Variants in MALT1 observed in about 807,000 individuals in gnomAD.
MALT1 encodes mucosa-associated lymphoid tissue lymphoma translocation protein 1.
A neutral mutation model predicts 85.5 loss-of-function variants in MALT1; 36 were observed. That is an observed-to-expected ratio of 0.42 (90% CI 0.32 to 0.56). MALT1 has a LOEUF of 0.56. Among genes scored for constraint, MALT1 ranks in the 20% least tolerant of loss-of-function variants. The pLI is 0.10. For synonymous variants in MALT1, 359 were observed against 361.3 expected, an observed-to-expected ratio of 0.99 and a Z score of 0.07; for missense variants, 716 against 981.6, an observed-to-expected ratio of 0.73 and a Z score of 3.62.
At chr18:58,691,340 C>G (rs1396303920) in intron 2 of MALT1, 2 of 856,942 alleles carry the variant, frequency 2.3e-6, no homozygotes, top group Non-Finnish European at 3.6e-6. Context: ...CCAAGATGAT[C>G]CTGTTTGCTT....
chr18:58,728,292 T>C (rs969279175), intron 10 of MALT1, among the ~76,000 whole-genome samples: 1 of 152,124 alleles, frequency 6.6e-6, no homozygotes, highest in Non-Finnish European at 1.5e-5. Context: ...GTACTAGAGA[T>C]GGAATTTAAA....
At chr18:58,718,678 G>C (rs1433444000) in intron 9 of MALT1, among the ~76,000 whole-genome samples, 1 of 152,168 alleles carries the variant, frequency 6.6e-6, no homozygotes, top group Non-Finnish European at 1.5e-5. Flanking sequence ...AACAAGCCTT[G>C]GTTTGTGAAT....
At chr18:58,702,684 C>A (rs1485810908) in intron 4 of MALT1, among the ~76,000 whole-genome samples, 2 of 152,196 alleles carry the variant, frequency 1.3e-5, no homozygotes, top group African/African-American at 4.8e-5. Context: ...TTCTCCCAAA[C>A]TATTGTATTG....
At chr18:58,707,429 T>A (rs192113168) in intron 4 of MALT1, among the ~76,000 whole-genome samples, 103 of 151,542 alleles carry the variant, frequency 6.8e-4, no homozygotes, top group African/African-American at 1.7e-3. Context: ...CATTAGAAAA[T>A]TTTTTTTTAA....
chr18:58,722,116 T>A (rs2054992758), intron 9 of MALT1, among the ~76,000 whole-genome samples: 1 of 144,074 alleles, frequency 6.9e-6, no homozygotes, highest in Non-Finnish European at 1.5e-5. Context: ...TATTTTTTTT[T>A]TTTTATTTTT....
intron 4 of MALT1, among the ~76,000 whole-genome samples, chr18:58,705,486 C>G (rs1297699148): frequency 3.3e-5 from 4 of 122,150 alleles, no homozygotes; most frequent in Admixed American, 1.9e-4. Flanking sequence ...CCCCCCACCC[C>G]ACAACAGTCC....
At chr18:58,687,173 G>A (rs2054416568) in intron 2 of MALT1, among the ~76,000 whole-genome samples, 2 of 152,100 alleles carry the variant, frequency 1.3e-5, no homozygotes, top group Admixed American at 6.5e-5. Flanking sequence ...TGAGGAAATT[G>A]GCAATTATTC....
chr18:58,674,826 A>G (rs1471121646), intron 1 of MALT1, among the ~76,000 whole-genome samples: 4 of 152,164 alleles, frequency 2.6e-5, no homozygotes, highest in African/African-American at 4.8e-5. Context: ...GCAGCCCTAG[A>G]ATCTCGAAAT....
chr18:58,733,086 T>G (rs2055174843), intron 10 of MALT1, among the ~76,000 whole-genome samples: 1 of 152,044 alleles, frequency 6.6e-6, no homozygotes, highest in African/African-American at 2.4e-5. Flanking sequence ...AATTTTTGTA[T>G]TTTTAGGAGA....
At chr18:58,742,127 T>A in intron 14 of MALT1, 113 bp downstream of exon 14, 1 of 773,962 alleles carries the variant, frequency 1.3e-6, no homozygotes, top group Non-Finnish European at 1.8e-6. Flanking sequence ...TATTTTGGCC[T>A]ACTAGGCAAA....
In MALT1 at chr18:58,749,810, A is replaced by G. The variant is rs1568160827; in HGVS notation, c.*1968A>G. On this transcript the variant is annotated 3_prime_UTR_variant, in exon 17 of 17. Transcript: ENST00000649217. ...AATAAAAGGAATCTTCCTAGATATG[A>G]TAAATATAACATCTATGAAAAGCCC... 1 of 211,684 alleles carries G rather than the reference A, an allele frequency of 4.7e-6. No individual in the cohort carries two copies. The highest frequency in any genetic ancestry group is 1.9e-4 in the South Asian group (1 of 5,332). 13.1% of individuals were successfully genotyped at this position (211,684 alleles called of 1,614,324 possible). A position where few individuals can be genotyped will look rare whatever the true frequency, so the allele number is the denominator to read the frequency against.
In MALT1 at chr18:58,709,656, T is replaced by A. The variant is rs369718458; in HGVS notation, c.828+100T>A. 67 of 977,750 alleles carry A rather than the reference T, an allele frequency of 6.9e-5. No homozygotes were observed. In the African/African-American group the frequency reaches 8.8e-4, roughly 13 times the overall value. 60.6% of individuals were successfully genotyped at this position (977,750 alleles called of 1,614,324 possible). A position where few individuals can be genotyped will look rare whatever the true frequency, so the allele number is the denominator to read the frequency against. ...ACATTAAAACTCATATCCTTTCAGA[T>A]GTTTTAATGTTTTCAGTATTTTTAT... On this transcript the variant is annotated intron_variant, in intron 5 of 16. Coordinates refer to ENST00000649217, the MANE Select transcript of MALT1 (RefSeq NM_006785.4).
chr18:58,703,929 A>T (rs2054709714), intron 4 of MALT1, among the ~76,000 whole-genome samples: 1 of 152,226 alleles, frequency 6.6e-6, no homozygotes, highest in Admixed American at 6.5e-5. Context: ...GTCATTGACC[A>T]GTCTAGATAT....
At position 58,681,847 on chromosome 18, in the gene MALT1, A is replaced by G. The variant is rs545447459; in HGVS notation, c.376+511A>G. 2.0e-5 allele frequency among the ~76,000 whole-genome samples: 3 copies of G among 152,256 alleles called. No individual in the cohort carries two copies. In the East Asian group the frequency reaches 5.8e-4, roughly 29 times the overall value. On this transcript the variant is annotated intron_variant, in intron 2 of 16. Coordinates refer to ENST00000649217, the MANE Select transcript of MALT1 (RefSeq NM_006785.4). ...TTGTACTCTTATGAGTTTTTCCTGA[A>G]TTACCGATATTGGATGAGGCTTTGT...
chr18:58,753,213 TC>T lies in MALT1; in HGVS notation c.*5372del, dbSNP rs2055471154. 6.6e-6 allele frequency: 1 copy of T among 152,086 alleles called. No individual in the cohort carries two copies. The highest frequency in any genetic ancestry group is 6.6e-5 in the Admixed American group (1 of 15,256). 9.4% of individuals were successfully genotyped at this position (152,086 alleles called of 1,614,324 possible). ...TTTTTTATTTGTTTTTTTGTTGTTG[TC>T]TTTTGAGTCTCACTCTGTCTCCCAG... On this transcript the variant is annotated 3_prime_UTR_variant, in exon 17 of 17. Coordinates refer to ENST00000649217, the MANE Select transcript of MALT1 (RefSeq NM_006785.4).
chr18:58,687,919 C>T (rs2054429586), intron 2 of MALT1, among the ~76,000 whole-genome samples: 1 of 152,224 alleles, frequency 6.6e-6, no homozygotes, highest in Non-Finnish European at 1.5e-5. Context: ...TTCTCCCAGG[C>T]TTACAGGAAA....
chr18:58,716,068 T>A (rs1337939118), intron 9 of MALT1, 101 bp downstream of exon 9: 1 of 828,416 alleles, frequency 1.2e-6, no homozygotes, highest in South Asian at 1.6e-5. Context: ...GAAATGTGAA[T>A]AACATTGGGA....
chr18:58,691,315 C>T (rs2054495584), intron 2 of MALT1: 4 of 814,810 alleles, frequency 4.9e-6, no homozygotes, highest in South Asian at 2.7e-5. Flanking sequence ...AGCCTTCAAC[C>T]AGATCAGCTG....
Position 58,750,475 on chromosome 18 carries a change from G to GT in MALT1, c.*2634dup, listed in dbSNP as rs1568161314. Reference sequence around the variant, plus strand: ...TTGGAAAAGAACAAAGTTGGAAGACGTACCAATTTCAAAAAGTGCTACCAA... The same window carrying GT: ...TTGGAAAAGAACAAAGTTGGAAGACGTTACCAATTTCAAAAAGTGCTACCAA... On this transcript the variant is annotated 3_prime_UTR_variant, in exon 17 of 17. Transcript: ENST00000649217. The GT allele has an allele frequency of 6.6e-6, 1 of 152,178 alleles. No individual in the cohort carries two copies. Among genetic ancestry groups the GT allele is most frequent in the Non-Finnish European group, 1.5e-5 (1 of 68,034 alleles). The allele number at this position is 152,178 out of a possible 1,614,324, so 9.4% of individuals were successfully genotyped here.
Sources: allele counts gnomAD v4.1 joint callset (sites outside exome capture counted in the v4.1 genomes callset), GRCh38; gene constraint gnomAD v4.1.1; transcripts MANE v1.5; gene names NCBI Gene and HGNC (gene_info 2026-07-23, HGNC 2026-07-21).